The following CDH8 variants were observed in gnomAD, a reference collection of about 807,000 sequenced individuals.
The protein encoded by CDH8 is cadherin 8, also known as cadherin-8.
A neutral mutation model predicts 68.1 loss-of-function variants in CDH8; 17 were observed. The observed-to-expected ratio is 0.25, with a 90% confidence interval of 0.17 to 0.37. The LOEUF is 0.37. Ranked by LOEUF, CDH8 falls within the 10% of genes least tolerant of loss-of-function variation. CDH8 has a pLI of 1.00. For missense variants in CDH8, 763 were observed against 999.3 expected, an observed-to-expected ratio of 0.76 and a Z score of 3.19; for synonymous variants, 372 against 365.1, an observed-to-expected ratio of 1.02 and a Z score of -0.21.
intron 2 of CDH8, among the ~76,000 whole-genome samples, chr16:61,947,385 TA>T (rs2143568151): frequency 6.6e-6 from 1 of 152,330 alleles, no homozygotes; most frequent in South Asian, 2.1e-4. Context: ...AGGGATAGAT[TA>T]AACTTCTTTT....
At chr16:61,770,439 T>C (rs548795608) in intron 8 of CDH8, among the ~76,000 whole-genome samples, 2 of 152,006 alleles carry the variant, frequency 1.3e-5, no homozygotes, top group African/African-American at 4.8e-5. Flanking sequence ...AGTTAGGCCT[T>C]GGGTATCTAT....
intron 3 of CDH8, among the ~76,000 whole-genome samples, chr16:61,858,043 T>C (rs1239963283): frequency 6.6e-6 from 1 of 151,720 alleles, no homozygotes; most frequent in Non-Finnish European, 1.5e-5. Context: ...CCCAAGTATA[T>C]TGTTGGCAGA....
At chr16:61,793,944 C>A (rs1961441043) in intron 7 of CDH8, among the ~76,000 whole-genome samples, 1 of 151,864 alleles carries the variant, frequency 6.6e-6, no homozygotes, top group Non-Finnish European at 1.5e-5. Flanking sequence ...TATAGAAGCC[C>A]AAATGGACTA....
intron 2 of CDH8, among the ~76,000 whole-genome samples, chr16:61,966,513 G>A (rs187496167): frequency 1.3e-5 from 2 of 152,118 alleles, no homozygotes; most frequent in Non-Finnish European, 2.9e-5. Context: ...CCTCCAGCCT[G>A]CGGACGGAGC....
At chr16:61,871,402 A>T (rs1340893711) in intron 3 of CDH8, among the ~76,000 whole-genome samples, 2 of 151,556 alleles carry the variant, frequency 1.3e-5, no homozygotes, top group Non-Finnish European at 2.9e-5. Context: ...AGACTCAAGC[A>T]ATCCTCTCAC....
intron 3 of CDH8, among the ~76,000 whole-genome samples, chr16:61,880,340 C>T (rs1028257558): frequency 2.0e-5 from 3 of 152,138 alleles, no homozygotes; most frequent in Non-Finnish European, 2.9e-5. Context: ...GGTTCTGAAG[C>T]CTTCACACTC....
chr16:61,954,020 G>A (rs919437829), intron 2 of CDH8, among the ~76,000 whole-genome samples: 1 of 150,832 alleles, frequency 6.6e-6, no homozygotes, highest in East Asian at 2.0e-4. Context: ...CTGCTTCCAA[G>A]AGATTACATT....
chr16:61,653,456 T>C lies in CDH8; in HGVS notation c.*152A>G. The C allele has an allele frequency of 7.0e-7, 1 of 1,430,340 alleles. No individual in the cohort carries two copies. The highest frequency in any genetic ancestry group is 1.7e-5 in the South Asian group (1 of 60,364). The allele number at this position is 1,430,340 out of a possible 1,614,324, so 88.6% of individuals were successfully genotyped here. On this transcript the variant is annotated 3_prime_UTR_variant, in exon 12 of 12. Transcript: ENST00000577390. ...ATATACTTTTTTATTTTATTATCTT[T>C]TTTTGGTTCAACATTAAAATGTGGT...
At chr16:61,868,471 G>T (rs1963296312) in intron 3 of CDH8, among the ~76,000 whole-genome samples, 1 of 151,962 alleles carries the variant, frequency 6.6e-6, no homozygotes, top group African/African-American at 2.4e-5. Flanking sequence ...TAACGGTAAG[G>T]GTTTTCTCTA....
intron 7 of CDH8, among the ~76,000 whole-genome samples, chr16:61,816,244 T>A (rs903823460): frequency 2.6e-5 from 4 of 152,188 alleles, no homozygotes. Flanking sequence ...AGTGCTCTTC[T>A]GGGTCTGTAA....
chr16:61,875,118 G>T (rs985319015), intron 3 of CDH8, among the ~76,000 whole-genome samples: 1 of 152,104 alleles, frequency 6.6e-6, no homozygotes, highest in Admixed American at 6.6e-5. Context: ...CAACTGTGAG[G>T]TCTTGCATTT....
rs77328256 is a variant in CDH8 at position 62,004,010 on chromosome 16, G to A, written c.252+17142C>T. Among the ~76,000 whole-genome samples the A allele has an allele frequency of 3.9e-5, 6 of 152,226 alleles. No individual in the cohort carries two copies. In the East Asian group the frequency reaches 7.7e-4, roughly 20 times the overall value. The stretch of plus-strand genomic sequence containing the variant: ...GAAACAGAATGTTGGATTCCAAAGG[G>A]CACTAGAAAGTGCTGAAGACACCCA... On this transcript the variant is annotated intron_variant, in intron 2 of 11. Coordinates refer to ENST00000577390, the MANE Select transcript of CDH8 (RefSeq NM_001796.5).
At chr16:61,692,163 A>C (rs1212291513) in intron 10 of CDH8, 1 of 152,144 alleles carries the variant, frequency 6.6e-6, no homozygotes, top group African/African-American at 2.4e-5. Context: ...GAAAAAATAC[A>C]ATGTTTTTAT....
chr16:61,731,178 G>A (rs571820385), intron 8 of CDH8, among the ~76,000 whole-genome samples: 72 of 151,736 alleles, frequency 4.7e-4, no homozygotes, highest in South Asian at 1.9e-3. Context: ...AAGCCTAAGT[G>A]TAAACTCAAA....
chr16:61,852,852 CCCTTCCTTCCTTCCTTCCTT>C lies in CDH8; in HGVS notation c.667+4247_667+4266del, dbSNP rs138549766. ...CTTCCTCCAGCTCTCCCTGACTCTG[CCCTTCCTTCCTTCCTTCCTT>C]CCTTCCTTCCTTCCTTCCTTCCATT... On this transcript the variant is annotated intron_variant, in intron 4 of 11. Coordinates refer to ENST00000577390, the MANE Select transcript of CDH8 (RefSeq NM_001796.5). 6.8e-5 allele frequency among the ~76,000 whole-genome samples: 9 copies of C among 133,100 alleles called. No homozygotes were observed. The South Asian group carries it at 2.3e-3, about 34-fold the overall frequency. 87.3% of individuals were successfully genotyped at this position (133,100 alleles called of 152,430 possible).
chr16:61,866,719 T>C (rs139253023), intron 3 of CDH8, among the ~76,000 whole-genome samples: 9 of 152,224 alleles, frequency 5.9e-5, no homozygotes, highest in Non-Finnish European at 7.4e-5. Context: ...TAAGACTCCA[T>C]TGCTTTATTT....
chr16:61,943,305 C>T (rs563319055), intron 2 of CDH8, among the ~76,000 whole-genome samples: 10 of 152,276 alleles, frequency 6.6e-5, no homozygotes, highest in Admixed American at 6.5e-4. Context: ...AAGAGTGGCT[C>T]ACTAACATTA....
chr16:61,657,608 T>G (rs1425503979), intron 10 of CDH8, among the ~76,000 whole-genome samples: 2 of 152,130 alleles, frequency 1.3e-5, no homozygotes, highest in Non-Finnish European at 2.9e-5. Flanking sequence ...TTGTGTTATA[T>G]TTTCAGAAAG....
At chr16:61,851,172 C>A (rs1004923598) in intron 4 of CDH8, among the ~76,000 whole-genome samples, 3 of 152,022 alleles carry the variant, frequency 2.0e-5, no homozygotes, top group Non-Finnish European at 4.4e-5. Context: ...AAAAAGGACT[C>A]AATTCCATGA....
Sources: allele counts gnomAD v4.1 joint callset (sites outside exome capture counted in the v4.1 genomes callset), GRCh38; gene constraint gnomAD v4.1.1; transcripts MANE v1.5; gene names NCBI Gene and HGNC (gene_info 2026-07-23, HGNC 2026-07-21).